Variants in PAX7 observed in about 807,000 individuals in gnomAD.
PAX7 encodes the protein paired box 7.
Under a neutral mutation model 50.7 loss-of-function variants are expected in PAX7, and 18 were observed. The ratio of observed to expected loss-of-function variants is 0.36; its 90% CI spans 0.25 to 0.53. The LOEUF is 0.53. Ranked by LOEUF, PAX7 falls within the 20% of genes least tolerant of loss-of-function variation. PAX7 has a pLI of 0.93. For synonymous variants in PAX7, 310 were observed against 290.4 expected (o/e 1.07, Z -0.69); for missense variants, 644 against 702.9 (o/e 0.92, Z 0.95).
At chr1:18,694,759 G>A (rs2089129444) in intron 5 of PAX7, among the ~76,000 whole-genome samples, 3 of 152,112 alleles carry the variant, frequency 2.0e-5, no homozygotes, top group African/African-American at 7.2e-5. Context: ...CAAATAAGGG[G>A]ATGGAACTCA....
intron 4 of PAX7, among the ~76,000 whole-genome samples, chr1:18,652,882 T>C (rs193238845): frequency 6.6e-6 from 1 of 152,318 alleles, no homozygotes; most frequent in African/African-American, 2.4e-5. Context: ...ACACCTCCCT[T>C]AACTCCCCAG....
At chr1:18,691,459 G>A (rs997190902) in intron 4 of PAX7, among the ~76,000 whole-genome samples, 2 of 152,186 alleles carry the variant, frequency 1.3e-5, no homozygotes, top group Non-Finnish European at 2.9e-5. Context: ...TGCCCAACCA[G>A]AGGGGACTGT....
In PAX7 at chr1:18,735,977, TG is replaced by T; in HGVS notation, c.1402+103del. 1 of 1,613,522 alleles carries T rather than the reference TG, an allele frequency of 6.2e-7. No individual in the cohort carries two copies. The highest frequency in any genetic ancestry group is 8.5e-7 in the Non-Finnish European group (1 of 1,179,828). On this transcript the variant is annotated intron_variant, in intron 8 of 8. Coordinates refer to ENST00000420770, the MANE Select transcript of PAX7 (RefSeq NM_001135254.2). This position sits in a 1 kb window ranked among gnomAD's most constrained non-coding sequence, Gnocchi z 4.0. ...GGAGAGCTACAAGGTGGTGTCAGGG[TG>T]GGGAATGTCCATTTCACAGATGGAA...
chr1:18,736,240 G>A (rs1313888035), intron 8 of PAX7: 6 of 501,346 alleles, frequency 1.2e-5, no homozygotes, highest in South Asian at 5.5e-5. Context: ...TGAGGCAAAC[G>A]AATCACTTGA....
chr1:18,631,588 C>A lies in PAX7; in HGVS notation c.-16C>A. The A allele has an allele frequency of 4.4e-6, 7 of 1,609,090 alleles. No individual in the cohort carries two copies. Among genetic ancestry groups the A allele is most frequent in the Non-Finnish European group, 5.9e-6 (7 of 1,177,972 alleles). ...GATTTTTGCCGACTTTGGATTCGTCCCCGGCGTGCGCAAGAATGGCGGCCC... is the reference window on the plus strand; with the variant it reads ...GATTTTTGCCGACTTTGGATTCGTCACCGGCGTGCGCAAGAATGGCGGCCC... On this transcript the variant is annotated 5_prime_UTR_variant, in exon 1 of 9. Transcript: ENST00000420770.
intron 7 of PAX7, among the ~76,000 whole-genome samples, chr1:18,708,821 C>A (rs1429723766): frequency 1.3e-5 from 2 of 152,086 alleles, no homozygotes; most frequent in Non-Finnish European, 2.9e-5. Flanking sequence ...AGAGACAAAA[C>A]CCTCATCCTT....
intron 8 of PAX7, among the ~76,000 whole-genome samples, chr1:18,736,557 C>A (rs1210471224): frequency 3.3e-5 from 5 of 151,368 alleles, no homozygotes; most frequent in Non-Finnish European, 7.4e-5. Flanking sequence ...ATTATCATTT[C>A]AAAATGCAAT....
intron 4 of PAX7, among the ~76,000 whole-genome samples, chr1:18,689,164 CCA>C (rs1434041629): frequency 3.5e-4 from 54 of 152,230 alleles, no homozygotes; most frequent in Admixed American, 2.3e-3. Context: ...CACTCCCCAT[CCA>C]CGGGCTGGCC....
intron 4 of PAX7, among the ~76,000 whole-genome samples, chr1:18,640,030 G>A (rs2088226838): frequency 6.6e-6 from 1 of 152,066 alleles, no homozygotes; most frequent in Non-Finnish European, 1.5e-5. Flanking sequence ...TCCAGGTGGA[G>A]AATTTGCAGA....
chr1:18,659,786 G>T (rs1196865005), intron 4 of PAX7, among the ~76,000 whole-genome samples: 1 of 152,152 alleles, frequency 6.6e-6, no homozygotes, highest in Admixed American at 6.5e-5. Context: ...TCAGTCCCAG[G>T]CAGACTGGGA....
chr1:18,716,842 GCCCC>G (rs565718147), intron 7 of PAX7, among the ~76,000 whole-genome samples: 1 of 138,980 alleles, frequency 7.2e-6, no homozygotes. Context: ...GCCCCTGCGC[GCCCC>G]CCTTGCCCTT....
At chr1:18,736,520 T>A (rs1042607731) in intron 8 of PAX7, among the ~76,000 whole-genome samples, 1 of 151,770 alleles carries the variant, frequency 6.6e-6, no homozygotes, top group African/African-American at 2.4e-5. Flanking sequence ...TTTACTAACA[T>A]TTTATTTAAC....
chr1:18,707,923 T>C (rs527806948), intron 7 of PAX7, among the ~76,000 whole-genome samples: 3 of 152,210 alleles, frequency 2.0e-5, no homozygotes, highest in East Asian at 1.9e-4. Context: ...CTGAGGCCAA[T>C]GACTCAGGTT....
chr1:18,722,911 C>T (rs1359160687), intron 7 of PAX7, among the ~76,000 whole-genome samples: 1 of 152,192 alleles, frequency 6.6e-6, no homozygotes, highest in Non-Finnish European at 1.5e-5. Flanking sequence ...TCCTTTCCTT[C>T]CTACCCTTCA....
Position 18,657,941 on chromosome 1 carries a change from C to T in PAX7, c.586+21570C>T, listed in dbSNP as rs1198213192. The stretch of plus-strand genomic sequence containing the variant: ...AGACAAAGGCCCCAGGGCCCGCAGG[C>T]GACTGAGCAGTCAGTATATATACTG... On this transcript the variant is annotated intron_variant, in intron 4 of 8. Transcript: ENST00000420770. 3.9e-5 allele frequency among the ~76,000 whole-genome samples: 6 copies of T among 152,140 alleles called. No homozygotes were observed. The East Asian group carries it at 1.2e-3, about 29-fold the overall frequency.
chr1:18,667,347 T>TGGAA (rs781370357), intron 4 of PAX7, among the ~76,000 whole-genome samples: 3 of 132,578 alleles, frequency 2.3e-5, no homozygotes, highest in Non-Finnish European at 3.1e-5. Context: ...CTTCAGAGAG[T>TGGAA]GGAAGGAAGG....
intron 4 of PAX7, among the ~76,000 whole-genome samples, chr1:18,661,644 G>T (rs371325398): frequency 6.6e-6 from 1 of 152,234 alleles, no homozygotes; most frequent in Non-Finnish European, 1.5e-5. Flanking sequence ...ACAAAGCCAC[G>T]TGTGGTGCCT....
At chr1:18,721,141 G>A (rs2089487496) in intron 7 of PAX7, among the ~76,000 whole-genome samples, 2 of 152,106 alleles carry the variant, frequency 1.3e-5, no homozygotes, top group Non-Finnish European at 2.9e-5. Flanking sequence ...GGTGTCTGTG[G>A]CGAGGACCTT....
chr1:18,728,272 C>T lies in PAX7; in HGVS notation c.1156-7360C>T, dbSNP rs150368291. 1.8e-4 allele frequency among the ~76,000 whole-genome samples: 27 copies of T among 152,118 alleles called. No individual in the cohort carries two copies. In the East Asian group the frequency reaches 4.3e-3, roughly 24 times the overall value. On this transcript the variant is annotated intron_variant, in intron 7 of 8. Coordinates refer to ENST00000420770, the MANE Select transcript of PAX7 (RefSeq NM_001135254.2). ...ATCGGGGAGGCCGGTGGATCTGTGG[C>T]CAGCGGGATGGGTGCCTGCGGGTTT...
Sources: allele counts gnomAD v4.1 joint callset (sites outside exome capture counted in the v4.1 genomes callset), GRCh38; gene constraint gnomAD v4.1.1; non-coding constraint Gnocchi (gnomAD v3.1); transcripts MANE v1.5; gene names NCBI Gene and HGNC (gene_info 2026-07-23, HGNC 2026-07-21).